The following CCDC170 variants were observed in gnomAD, a reference collection of about 807,000 sequenced individuals.
CCDC170 encodes the protein coiled-coil domain-containing protein 170.
Under a neutral mutation model 72.6 loss-of-function variants are expected in CCDC170, and 69 were observed. The ratio of observed to expected loss-of-function variants is 0.95; its 90% CI spans 0.78 to 1.16. CCDC170 has a LOEUF of 1.16. Among genes scored for constraint, CCDC170 ranks in the 50% most tolerant of loss-of-function variants. CCDC170 has a pLI of 0.00. For missense variants in CCDC170, 852 were observed against 832.5 expected (o/e 1.02, Z -0.29); for synonymous variants, 300 against 303.9 (o/e 0.99, Z 0.13).
intron 1 of CCDC170, among the ~76,000 whole-genome samples, chr6:151,513,019 C>G (rs532524119): frequency 6.6e-6 from 1 of 152,266 alleles, no homozygotes; most frequent in South Asian, 2.1e-4. Flanking sequence ...TCCTTTGACT[C>G]AGTTGTTTCT....
chr6:151,570,400 A>G (rs569216733), intron 5 of CCDC170, among the ~76,000 whole-genome samples: 38 of 152,340 alleles, frequency 2.5e-4, no homozygotes, highest in African/African-American at 8.4e-4. Flanking sequence ...TCAACCAACT[A>G]TAGATAAAAA....
intron 5 of CCDC170, among the ~76,000 whole-genome samples, chr6:151,558,521 A>G (rs1396001341): frequency 1.3e-5 from 2 of 152,070 alleles, no homozygotes; most frequent in African/African-American, 4.8e-5. Flanking sequence ...TAGTAGTTTT[A>G]TAGTTTTAGG....
intron 5 of CCDC170, among the ~76,000 whole-genome samples, chr6:151,564,156 T>C (rs1776090728): frequency 6.6e-6 from 1 of 152,190 alleles, no homozygotes; most frequent in African/African-American, 2.4e-5. Context: ...TTGGATTTGC[T>C]TTTATAGGGG....
intron 5 of CCDC170, among the ~76,000 whole-genome samples, chr6:151,564,369 G>A (rs1287950742): frequency 1.3e-5 from 2 of 152,158 alleles, no homozygotes; most frequent in Non-Finnish European, 2.9e-5. Context: ...TACCAGGTGG[G>A]CCAGTCCTCA....
intron 5 of CCDC170, among the ~76,000 whole-genome samples, chr6:151,549,370 A>G (rs1367175926): frequency 6.6e-6 from 1 of 152,104 alleles, no homozygotes; most frequent in Non-Finnish European, 1.5e-5. Context: ...AGGAATACAA[A>G]ACACTTAAAA....
At chr6:151,554,982 G>A (rs1016763292) in intron 5 of CCDC170, among the ~76,000 whole-genome samples, 2 of 142,680 alleles carry the variant, frequency 1.4e-5, no homozygotes, top group East Asian at 2.4e-4. Flanking sequence ...GGGTTCAAAT[G>A]ATTCTCCTGC....
At chr6:151,534,120 A>C (rs1012154013) in intron 1 of CCDC170, among the ~76,000 whole-genome samples, 10 of 147,440 alleles carry the variant, frequency 6.8e-5, no homozygotes, top group African/African-American at 2.3e-4. Context: ...GTTGGAGTGC[A>C]GTGGTGCGAT....
chr6:151,610,422 T>A (rs1300174658), intron 9 of CCDC170, among the ~76,000 whole-genome samples: 1 of 152,228 alleles, frequency 6.6e-6, no homozygotes, highest in Non-Finnish European at 1.5e-5. Context: ...CTTTTACCCT[T>A]CACACAGATT....
intron 7 of CCDC170, among the ~76,000 whole-genome samples, chr6:151,586,613 C>T (rs4869742): frequency 0.44 from 65,690 of 150,436 alleles, 16,738 homozygotes; most frequent in East Asian, 0.82. Flanking sequence ...ATTCAGAGGA[C>T]GCAAAATGGT....
chr6:151,530,851 C>T (rs1782481743), intron 1 of CCDC170, among the ~76,000 whole-genome samples: 2 of 151,942 alleles, frequency 1.3e-5, no homozygotes, highest in Admixed American at 1.3e-4. Flanking sequence ...ATTTTATTAG[C>T]CATTTATGGC....
rs779482729 is a variant in CCDC170, at chr6:151,585,874, T to C, written c.1093-15T>C. On this transcript the variant is annotated splice_polypyrimidine_tract_variant and intron_variant, in intron 6 of 10. Transcript: ENST00000239374. ...TGAAACAAGGCTTATTCTTGATCTG[T>C]TTCTTTGTTTCCAGATGGTCTCCCA... 14 of 1,611,046 alleles carry C rather than the reference T, an allele frequency of 8.7e-6. No homozygotes were observed. The highest frequency in any genetic ancestry group is 1.7e-4 in the Middle Eastern group (1 of 5,928).
intron 1 of CCDC170, among the ~76,000 whole-genome samples, chr6:151,520,067 C>T (rs1782295399): frequency 6.6e-6 from 1 of 152,214 alleles, no homozygotes; most frequent in African/African-American, 2.4e-5. Flanking sequence ...TTTTACCCAG[C>T]CCCTATTCAA....
At position 151,548,419 on chromosome 6, in the gene CCDC170, T is replaced by C. The variant is rs1262434063; in HGVS notation, c.704T>C (p.Leu235Pro). Reference protein sequence around the residue: ...AKASRETIMRLASEVNREQKK... With the variant: ...AKASRETIMRPASEVNREQKK... ...GCTAGCAGAGAAACGATCATGAGGC[T>C]GGCTTCAGAAGTCAACAGAGAGCAG... is the stretch of plus-strand genomic sequence containing the variant. Residue 235 changes from leucine to proline, a missense_variant, in exon 5 of 11, where the codon CTG (leucine) becomes CCG (proline). Transcript: ENST00000239374. 2 of 1,612,946 alleles carry C rather than the reference T, an allele frequency of 1.2e-6. No individual in the cohort carries two copies. Among genetic ancestry groups the C allele is most frequent in the Admixed American group, 3.3e-5 (2 of 59,972 alleles).
intron 5 of CCDC170, among the ~76,000 whole-genome samples, chr6:151,561,923 T>G (rs921890942): frequency 6.6e-6 from 1 of 152,200 alleles, no homozygotes; most frequent in Non-Finnish European, 1.5e-5. Flanking sequence ...TTAAAATTAT[T>G]TTTAAAATTT....
At chr6:151,590,510 T>G (rs925303901) in intron 7 of CCDC170, among the ~76,000 whole-genome samples, 1 of 152,216 alleles carries the variant, frequency 6.6e-6, no homozygotes, top group African/African-American at 2.4e-5. Context: ...CTGGTAAGGA[T>G]GGATAGTATC....
intron 5 of CCDC170, among the ~76,000 whole-genome samples, chr6:151,554,275 A>T (rs554352941): frequency 6.6e-6 from 1 of 152,354 alleles, no homozygotes; most frequent in South Asian, 2.1e-4. Flanking sequence ...AGAAGTTAAA[A>T]TCAATGAGAT....
Position 151,615,500 on chromosome 6 carries a change from C to G in CCDC170, c.1768C>G (p.Leu590Val). 1 of 1,614,034 alleles carries G rather than the reference C, an allele frequency of 6.2e-7. No homozygotes were observed. The highest frequency in any genetic ancestry group is 1.3e-5 in the African/African-American group (1 of 75,010). The change falls in exon 10 of 11, where the codon CTG becomes GTG. Residue 590 changes from leucine (L) to valine (V), a missense_variant. Leu to Val is a conservative substitution (Grantham distance 32, BLOSUM62 1). Transcript: ENST00000239374. ...IEDLNKSRDQ[L>V]EKMKEKAEKK... ...AGATCTAAACAAATCCAGAGACCAA[C>G]TGGAGAAGATGAAGGAGAAAGCTGA...
chr6:151,533,348 C>G lies in CCDC170; in HGVS notation c.58-2970C>G, dbSNP rs373166391. Among the ~76,000 whole-genome samples, 659 of 151,998 alleles carry G rather than the reference C, an allele frequency of 4.3e-3. 4 individuals are homozygous for G. Among genetic ancestry groups the G allele is most frequent in the African/African-American group, 0.015 (624 of 41,506 alleles). On this transcript the variant is annotated intron_variant, in intron 1 of 10. Coordinates refer to ENST00000239374, the MANE Select transcript of CCDC170 (RefSeq NM_025059.4). ...GGATTACAGGTGTGAGCCGCCGCAC[C>G]TGGCCGACTATTTCATTCTTATTTA...
At chr6:151,501,777 G>A (rs2115018506) in intron 1 of CCDC170, among the ~76,000 whole-genome samples, 1 of 152,234 alleles carries the variant, frequency 6.6e-6, no homozygotes, top group South Asian at 2.1e-4. Flanking sequence ...ATACTCCTTG[G>A]TTTGTACTTG....
Sources: allele counts gnomAD v4.1 joint callset (sites outside exome capture counted in the v4.1 genomes callset), GRCh38; gene constraint gnomAD v4.1.1; transcripts MANE v1.5; gene names NCBI Gene and HGNC (gene_info 2026-07-23, HGNC 2026-07-21).